The following FAM210A variants were observed in gnomAD, a reference collection of about 807,000 sequenced individuals.
FAM210A encodes mitochondrial inner membrane scaffold 1.
FAM210A carries 13 observed loss-of-function variants against 25.3 expected under a neutral mutation model. The observed-to-expected ratio is 0.51, with a 90% CI of 0.33 to 0.82. FAM210A has a LOEUF of 0.82. FAM210A is among the 40% of genes least tolerant of loss of function. FAM210A has a pLI of 0.02. For synonymous variants in FAM210A, 125 were observed against 118.7 expected (o/e 1.05, Z -0.35); for missense variants, 319 against 323.2 (o/e 0.99, Z 0.10).
At chr18:13,666,750 G>T in intron 3 of FAM210A, 37 bp from the exon 4 acceptor site, 1 of 1,556,036 alleles carries the variant, frequency 6.4e-7, no homozygotes, top group Admixed American at 1.8e-5. Context: ...ATCAAAACCT[G>T]GTTATTACTG....
At position 13,665,831 on chromosome 18, in the gene FAM210A, A is replaced by C. The variant is rs2043396823; in HGVS notation, c.*649T>G. The C allele has an allele frequency of 6.6e-6, 1 of 152,360 alleles. No individual in the cohort carries two copies. The highest frequency in any genetic ancestry group is 1.5e-5 in the Non-Finnish European group (1 of 68,206). 9.4% of individuals were successfully genotyped at this position (152,360 alleles called of 1,614,324 possible). Reference sequence around the variant, plus strand: ...ACCATATATATATTTGCTTTAAAAAAATTATGACAAGCTTCAGGTAAAAAT... The same window carrying C: ...ACCATATATATATTTGCTTTAAAAACATTATGACAAGCTTCAGGTAAAAAT... On this transcript the variant is annotated 3_prime_UTR_variant, in exon 4 of 4. Transcript: ENST00000651643.
chr18:13,702,311 C>G (rs962497427), intron 1 of FAM210A, among the ~76,000 whole-genome samples: 4 of 152,236 alleles, frequency 2.6e-5, no homozygotes, highest in Admixed American at 6.5e-5. Flanking sequence ...TCTTAAGCTG[C>G]AGCCAATTTG....
At chr18:13,719,608 G>A (rs1216474874) in intron 1 of FAM210A, among the ~76,000 whole-genome samples, 1 of 151,950 alleles carries the variant, frequency 6.6e-6, no homozygotes, top group Non-Finnish European at 1.5e-5. Flanking sequence ...CACCCACAGA[G>A]GTCATAGACC....
intron 2 of FAM210A, among the ~76,000 whole-genome samples, chr18:13,678,810 G>C (rs1216602698): frequency 6.6e-6 from 1 of 152,206 alleles, no homozygotes; most frequent in Non-Finnish European, 1.5e-5. Context: ...AAGGACAAAA[G>C]CACATTCACT....
intron 1 of FAM210A, among the ~76,000 whole-genome samples, chr18:13,684,305 A>G (rs1229038518): frequency 1.3e-5 from 2 of 152,152 alleles, no homozygotes; most frequent in African/African-American, 4.8e-5. Context: ...AGGCTGAGGC[A>G]GGAGAATCAT....
chr18:13,689,236 G>C (rs964784910), intron 1 of FAM210A, among the ~76,000 whole-genome samples: 8 of 152,128 alleles, frequency 5.3e-5, no homozygotes, highest in Non-Finnish European at 1.2e-4. Context: ...CAAAAAATCA[G>C]CCACAGATGT....
intron 2 of FAM210A, among the ~76,000 whole-genome samples, chr18:13,679,903 C>T (rs2043537016): frequency 6.6e-6 from 1 of 152,134 alleles, no homozygotes. Flanking sequence ...TCTGGGTCTA[C>T]TTTTTCAGTT....
intron 1 of FAM210A, among the ~76,000 whole-genome samples, chr18:13,706,383 G>A (rs2043778364): frequency 6.6e-6 from 1 of 151,680 alleles, no homozygotes; most frequent in African/African-American, 2.4e-5. Flanking sequence ...GTGAACTTAT[G>A]GGGTATACTT....
intron 3 of FAM210A, among the ~76,000 whole-genome samples, chr18:13,669,261 A>G (rs557854953): frequency 6.6e-6 from 1 of 152,296 alleles, no homozygotes; most frequent in Non-Finnish European, 1.5e-5. Flanking sequence ...TTACTAGAGC[A>G]GCCAAAGTGA....
chr18:13,704,651 G>A (rs149244371), intron 1 of FAM210A, among the ~76,000 whole-genome samples: 1 of 152,088 alleles, frequency 6.6e-6, no homozygotes, highest in African/African-American at 2.4e-5. Flanking sequence ...GTAAGCACAG[G>A]ATTATTTGAC....
intron 3 of FAM210A, chr18:13,670,966 A>T (rs11873769): frequency 0.014 from 2,118 of 153,110 alleles, 43 homozygotes; most frequent in African/African-American, 0.048. Flanking sequence ...ATTGTACTCC[A>T]GCCTGGGAAA....
In FAM210A at chr18:13,718,431, G is replaced by C. The variant is rs373596876; in HGVS notation, c.-29+7898C>G. On this transcript the variant is annotated intron_variant, in intron 1 of 3. Coordinates refer to ENST00000651643, the MANE Select transcript of FAM210A (RefSeq NM_152352.4). ...GTTAAGAGTTGGAAGGAAACTGAGAGGCCCCTTAGTATCATCCTTTATGTT... is the reference window on the plus strand; with the variant it reads ...GTTAAGAGTTGGAAGGAAACTGAGACGCCCCTTAGTATCATCCTTTATGTT... Among the ~76,000 whole-genome samples, 18 of 152,172 alleles carry C rather than the reference G, an allele frequency of 1.2e-4. No homozygotes were observed. In the East Asian group the frequency reaches 2.9e-3, roughly 25 times the overall value.
At chr18:13,722,434 C>T (rs2043904600) in intron 1 of FAM210A, among the ~76,000 whole-genome samples, 1 of 152,086 alleles carries the variant, frequency 6.6e-6, no homozygotes, top group Non-Finnish European at 1.5e-5. Flanking sequence ...CAATGTCTTG[C>T]AAGGTAACTA....
At chr18:13,705,034 A>G (rs2043767160) in intron 1 of FAM210A, among the ~76,000 whole-genome samples, 3 of 152,362 alleles carry the variant, frequency 2.0e-5, no homozygotes, top group South Asian at 2.1e-4. Flanking sequence ...CCTTAGAATC[A>G]TATCATTTAA....
intron 1 of FAM210A, among the ~76,000 whole-genome samples, chr18:13,718,224 A>C (rs1452539638): frequency 1.3e-5 from 2 of 152,204 alleles, no homozygotes; most frequent in African/African-American, 4.8e-5. Context: ...ACAGCAACAG[A>C]AAATACAAGC....
At chr18:13,725,517 G>A (rs2043934549) in intron 1 of FAM210A, among the ~76,000 whole-genome samples, 1 of 152,212 alleles carries the variant, frequency 6.6e-6, no homozygotes, top group Admixed American at 6.5e-5. Flanking sequence ...GGCTGGTAAA[G>A]CACATTTTCA....
chr18:13,705,474 AT>A (rs200851923), intron 1 of FAM210A, among the ~76,000 whole-genome samples: 1 of 151,584 alleles, frequency 6.6e-6, no homozygotes, highest in South Asian at 2.1e-4. Flanking sequence ...TGCTAAAATA[AT>A]TTTTTTTTCT....
intron 1 of FAM210A, among the ~76,000 whole-genome samples, chr18:13,695,635 G>A (rs1038360685): frequency 2.0e-5 from 3 of 150,902 alleles, no homozygotes; most frequent in Admixed American, 1.3e-4. Flanking sequence ...AACATCACAT[G>A]TTCTCACTCA....
chr18:13,678,510 G>A (rs1302769782), intron 2 of FAM210A, among the ~76,000 whole-genome samples: 14 of 152,052 alleles, frequency 9.2e-5, no homozygotes, highest in Non-Finnish European at 1.8e-4. Context: ...GGCTGGTCTC[G>A]AACTCCTGAC....
Sources: allele counts gnomAD v4.1 joint callset (sites outside exome capture counted in the v4.1 genomes callset), GRCh38; gene constraint gnomAD v4.1.1; transcripts MANE v1.5; gene names NCBI Gene and HGNC (gene_info 2026-07-23, HGNC 2026-07-21).